DNAI7: variants seen among roughly 807,000 people sequenced by gnomAD.
The protein encoded by DNAI7 is dynein axonemal intermediate chain 7.
A neutral mutation model predicts 86.6 loss-of-function variants in DNAI7; 78 were observed. The observed-to-expected ratio is 0.90, with a 90% CI of 0.75 to 1.09. The LOEUF is 1.09. DNAI7 is among the 50% of genes least tolerant of loss of function. The pLI, the probability that DNAI7 is intolerant of heterozygous loss-of-function variation, is 0.00. For synonymous variants in DNAI7, 274 were observed against 273.0 expected (o/e 1.00, Z -0.04); for missense variants, 753 against 810.2 (o/e 0.93, Z 0.86).
chr12:25,133,196 A>C (rs939751947), intron 9 of DNAI7, among the ~76,000 whole-genome samples: 2 of 151,558 alleles, frequency 1.3e-5, no homozygotes, highest in African/African-American at 4.8e-5. Flanking sequence ...TGAGAATCGA[A>C]ATTTCTTTTA....
intron 2 of DNAI7, among the ~76,000 whole-genome samples, chr12:25,176,647 A>G (rs967883740): frequency 6.6e-6 from 1 of 151,980 alleles, no homozygotes; most frequent in South Asian, 2.1e-4. Flanking sequence ...AACATCATGC[A>G]ATTCTTTGAA....
chr12:25,195,092 C>T lies in DNAI7; in HGVS notation c.-14G>A, dbSNP rs1298351923. 1 of 1,613,962 alleles carries T rather than the reference C, an allele frequency of 6.2e-7. No individual in the cohort carries two copies. The highest frequency in any genetic ancestry group is 1.1e-5 in the South Asian group (1 of 91,082). On this transcript the variant is annotated 5_prime_UTR_variant, in exon 1 of 16. Coordinates refer to ENST00000395987, the MANE Select transcript of DNAI7 (RefSeq NM_018272.5). ...CTTGCTCACCATTAAGAGTCAAGCT[C>T]CACTGCAGTAGTCCGCAGAGTCGGA...
At position 25,123,300 on chromosome 12, in the gene DNAI7, C is replaced by T; in HGVS notation, c.1003-14G>A. The T allele has an allele frequency of 6.3e-7, 1 of 1,579,808 alleles. No individual in the cohort carries two copies. Among genetic ancestry groups the T allele is most frequent in the Non-Finnish European group, 8.6e-7 (1 of 1,156,682 alleles). On this transcript the variant is annotated splice_polypyrimidine_tract_variant and intron_variant, in intron 9 of 15. Transcript: ENST00000395987. ...CTCAGCAGAACTCTATAAAAAACCA[C>T]AGACATATGGGTGTGATTGTCAGTG...
intron 13 of DNAI7, among the ~76,000 whole-genome samples, 195 bp from the exon 14 acceptor site, chr12:25,112,134 G>A (rs567043672): frequency 6.6e-6 from 1 of 152,256 alleles, no homozygotes; most frequent in East Asian, 1.9e-4. Context: ...ATGTTAAGCA[G>A]TTTACTAACT....
Position 25,172,053 on chromosome 12 carries a change from C to G in DNAI7, c.22-10856G>C, listed in dbSNP as rs150655121. Among the ~76,000 whole-genome samples, 529 of 152,234 alleles carry G rather than the reference C, an allele frequency of 3.5e-3. 8 individuals carry two copies. Among genetic ancestry groups the G allele is most frequent in the African/African-American group, 0.012 (510 of 41,524 alleles). ...AAAGCATTCCCTCTGAGAACTGGAA[C>G]AAGACAAGGATGCCCACTCTCACCA... On this transcript the variant is annotated intron_variant, in intron 2 of 15. Transcript: ENST00000395987.
chr12:25,193,949 G>C (rs1305906162), intron 1 of DNAI7, among the ~76,000 whole-genome samples: 1 of 152,124 alleles, frequency 6.6e-6, no homozygotes, highest in Non-Finnish European at 1.5e-5. Flanking sequence ...AGCCCCCTGA[G>C]TAGCTGGAAT....
intron 4 of DNAI7, among the ~76,000 whole-genome samples, chr12:25,157,837 A>ATT (rs66535304): frequency 1.4e-4 from 20 of 143,252 alleles, no homozygotes; most frequent in Non-Finnish European, 2.2e-4. Context: ...AATATTTTGA[A>ATT]TTTTTTTTTT....
intron 1 of DNAI7, among the ~76,000 whole-genome samples, chr12:25,193,915 A>G (rs1950775612): frequency 6.6e-6 from 1 of 151,616 alleles, no homozygotes; most frequent in African/African-American, 2.4e-5. Flanking sequence ...TCCGCCTCCC[A>G]GGTTCAAGCG....
chr12:25,184,966 TA>T (rs35375688), intron 2 of DNAI7, among the ~76,000 whole-genome samples: 3,918 of 106,442 alleles, frequency 0.037, 69 homozygotes, highest in East Asian at 0.15. Flanking sequence ...CCCATCTCTA[TA>T]AAAAAAAAAA....
At chr12:25,142,907 G>C (rs774461075) in intron 9 of DNAI7, among the ~76,000 whole-genome samples, 1 of 152,154 alleles carries the variant, frequency 6.6e-6, no homozygotes, top group African/African-American at 2.4e-5. Context: ...CTGCAACATG[G>C]AAAGGAGTAT....
At chr12:25,120,497 C>CG (rs1941102459) in intron 11 of DNAI7, among the ~76,000 whole-genome samples, 1 of 151,622 alleles carries the variant, frequency 6.6e-6, no homozygotes, top group African/African-American at 2.4e-5. Context: ...CCGAGGCGGG[C>CG]GGATCACGAG....
intron 8 of DNAI7, 101 bp downstream of exon 8, chr12:25,146,900 A>G (rs1051050199): frequency 3.1e-6 from 2 of 653,828 alleles, no homozygotes; most frequent in African/African-American, 1.8e-5. Context: ...GGCTTTTCCA[A>G]ACACACCATG....
chr12:25,133,119 G>T (rs1037163693), intron 9 of DNAI7, among the ~76,000 whole-genome samples: 1 of 149,390 alleles, frequency 6.7e-6, no homozygotes, highest in African/African-American at 2.5e-5. Context: ...TATAATTTTT[G>T]AATAGTTCAG....
At chr12:25,144,734 T>A in intron 8 of DNAI7, 57 bp from the exon 9 acceptor site, 6 of 1,330,792 alleles carry the variant, frequency 4.5e-6, no homozygotes, top group Non-Finnish European at 6.2e-6. Flanking sequence ...TCTAGATCTG[T>A]GTCAAATTTA....
intron 9 of DNAI7, among the ~76,000 whole-genome samples, chr12:25,124,621 TTTTTAAC>T (rs1404690001): frequency 1.3e-5 from 2 of 152,164 alleles, no homozygotes; most frequent in African/African-American, 2.4e-5. Flanking sequence ...ACTAAATTTT[TTTTTAAC>T]TTTTATTTTA....
chr12:25,157,361 T>C (rs1946309133), intron 4 of DNAI7, among the ~76,000 whole-genome samples: 1 of 152,076 alleles, frequency 6.6e-6, no homozygotes, highest in East Asian at 1.9e-4. Context: ...AAATATTACT[T>C]TTTTTCAATT....
chr12:25,152,792 T>C lies in DNAI7; in HGVS notation c.438+1527A>G, dbSNP rs575802531. ...GTACCAGCACTGGATCGAAGGACAC[T>C]TCAGTAGGAATCTGGAGAGTTGGAT... is the stretch of plus-strand genomic sequence containing the variant. On this transcript the variant is annotated intron_variant, in intron 6 of 15. Coordinates refer to ENST00000395987, the MANE Select transcript of DNAI7 (RefSeq NM_018272.5). Among the ~76,000 whole-genome samples the C allele has an allele frequency of 6.6e-5, 10 of 152,294 alleles. No homozygotes were observed. In the South Asian group the frequency reaches 1.7e-3, roughly 25 times the overall value.
intron 4 of DNAI7, among the ~76,000 whole-genome samples, chr12:25,156,211 G>A (rs1424979381): frequency 6.6e-6 from 1 of 152,126 alleles, no homozygotes; most frequent in Non-Finnish European, 1.5e-5. Context: ...TGGATAAAAT[G>A]GGAAGTCAGC....
At position 25,188,687 on chromosome 12, in the gene DNAI7, A is replaced by C. The variant is rs866088961; in HGVS notation, c.21+1927T>G. Reference sequence around the variant, plus strand: ...AGACTCTGTCTCAAAAAAAAAAAAAAAAAAAAAAAGTAAGCGATTTCTTCT... The same window carrying C: ...AGACTCTGTCTCAAAAAAAAAAAAACAAAAAAAAAGTAAGCGATTTCTTCT... On this transcript the variant is annotated intron_variant, in intron 2 of 15. Coordinates refer to ENST00000395987, the MANE Select transcript of DNAI7 (RefSeq NM_018272.5). Among the ~76,000 whole-genome samples, 6 of 107,666 alleles carry C rather than the reference A, an allele frequency of 5.6e-5. No homozygotes were observed. In the South Asian group the frequency reaches 2.2e-3, roughly 39 times the overall value. The allele number at this position is 107,666 out of a possible 152,430, so 70.6% of individuals were successfully genotyped here.
Sources: allele counts gnomAD v4.1 joint callset (sites outside exome capture counted in the v4.1 genomes callset), GRCh38; gene constraint gnomAD v4.1.1; transcripts MANE v1.5; gene names NCBI Gene and HGNC (gene_info 2026-07-23, HGNC 2026-07-21).